Variants in FBXL12 observed in about 807,000 individuals in gnomAD.
FBXL12 encodes the protein F-box/LRR-repeat protein 12.
A neutral mutation model predicts 24.9 loss-of-function variants in FBXL12; 22 were observed. That is an observed-to-expected ratio of 0.88 (90% CI 0.63 to 1.26). The LOEUF (loss-of-function observed/expected upper bound fraction) is 1.26, where lower values mean the gene tolerates loss of function less well. Ranked by LOEUF, FBXL12 falls within the 50% of genes most tolerant of loss-of-function variation. FBXL12 has a pLI of 0.00. For synonymous variants in FBXL12, 193 were observed against 193.8 expected, an observed-to-expected ratio of 1.00 and a Z score of 0.03; for missense variants, 384 against 434.1, an observed-to-expected ratio of 0.88 and a Z score of 1.03.
Position 9,819,027 on chromosome 19 carries a change from G to A in FBXL12, c.-214C>T. The A allele has an allele frequency of 5.1e-6, 3 of 593,420 alleles. 1 individual carries two copies. The South Asian group carries it at 6.0e-5, about 12-fold the overall frequency. The allele number at this position is 593,420 out of a possible 1,614,324, so 36.8% of individuals were successfully genotyped here. ...GGAAAGCGTGGCTGAGGCAGTGAGA[G>A]GCTTGCGGGAGGTGGCTGAGGCGTG... On this transcript the variant is annotated 5_prime_UTR_variant, in exon 1 of 3. Coordinates refer to ENST00000247977, the MANE Select transcript of FBXL12 (RefSeq NM_017703.3).
intron 2 of FBXL12, chr19:9,813,341 C>CT: frequency 9.6e-7 from 1 of 1,045,610 alleles, no homozygotes; most frequent in Non-Finnish European, 1.2e-6. Flanking sequence ...TGTTTCTTTT[C>CT]TTTTCTTTTT....
intron 2 of FBXL12, among the ~76,000 whole-genome samples, chr19:9,812,759 T>TTAAAA: frequency 8.7e-6 from 1 of 114,452 alleles, no homozygotes; most frequent in Non-Finnish European, 1.8e-5. Context: ...AGGTCTATGT[T>TTAAAA]AAAAAAAAAA....
chr19:9,811,795 AC>A lies in FBXL12; in HGVS notation c.160-79del, dbSNP rs2045761495. The stretch of plus-strand genomic sequence containing the variant: ...GCCCCTGCTGGGCTGGAGACACACA[AC>A]CCCGGGGTGGGGGATTCTGGTGCCC... On this transcript the variant is annotated intron_variant, in intron 2 of 2. Coordinates refer to ENST00000247977, the MANE Select transcript of FBXL12 (RefSeq NM_017703.3). This position sits in a 1 kb window ranked among gnomAD's most constrained non-coding sequence, Gnocchi z 6.0. The A allele has an allele frequency of 8.1e-7, 1 of 1,241,028 alleles. No individual in the cohort carries two copies. Among genetic ancestry groups the A allele is most frequent in the Non-Finnish European group, 1.1e-6 (1 of 932,476 alleles). The allele number at this position is 1,241,028 out of a possible 1,614,324, so 76.9% of individuals were successfully genotyped here. A position where few individuals can be genotyped will look rare whatever the true frequency, so the allele number is the denominator to read the frequency against.
chr19:9,818,899 G>C lies in FBXL12; in HGVS notation c.-86C>G. The C allele has an allele frequency of 7.8e-7, 1 of 1,282,216 alleles. No homozygotes were observed. The highest frequency in any genetic ancestry group is 1.1e-6 in the Non-Finnish European group (1 of 920,858). 79.4% of individuals were successfully genotyped at this position (1,282,216 alleles called of 1,614,324 possible). A position where few individuals can be genotyped will look rare whatever the true frequency, so the allele number is the denominator to read the frequency against. On this transcript the variant is annotated 5_prime_UTR_variant, in exon 1 of 3. Transcript: ENST00000247977. Reference sequence around the variant, plus strand: ...CGAGGCGGCTGACAGGGCGGCGGCCGCGACCTTCCCGTAGCCGGTCGAGAA... The same window carrying C: ...CGAGGCGGCTGACAGGGCGGCGGCCCCGACCTTCCCGTAGCCGGTCGAGAA...
chr19:9,818,095 CCA>C, intron 2 of FBXL12: 1 of 385,128 alleles, frequency 2.6e-6, no homozygotes, highest in Non-Finnish European at 4.6e-6. Flanking sequence ...GCCCGTGGTT[CCA>C]GCTACTCAGG....
chr19:9,815,114 T>C (rs542350999), intron 2 of FBXL12, among the ~76,000 whole-genome samples: 16 of 152,292 alleles, frequency 1.1e-4, no homozygotes, highest in African/African-American at 3.8e-4. Flanking sequence ...AGTTACTTCC[T>C]AGATACAATG....
At chr19:9,816,044 G>A (rs988850600) in intron 2 of FBXL12, among the ~76,000 whole-genome samples, 3 of 152,188 alleles carry the variant, frequency 2.0e-5, no homozygotes, top group South Asian at 2.1e-4. Flanking sequence ...GCCACAGCCC[G>A]AGTTATACGT....
At chr19:9,818,218 C>T (rs1471369324) in intron 2 of FBXL12, 5 of 433,468 alleles carry the variant, frequency 1.2e-5, no homozygotes, top group African/African-American at 4.1e-5. Context: ...AAAACAAAAA[C>T]TTGATAACAT....
At position 9,818,577 on chromosome 19, in the gene FBXL12, G is replaced by GC. The variant is rs2045935267; in HGVS notation, c.126dup (p.Leu43AlafsTer15). 1.3e-6 allele frequency: 2 copies of GC among 1,552,632 alleles called. No individual in the cohort carries two copies. The highest frequency in any genetic ancestry group is 1.7e-6 in the Non-Finnish European group (2 of 1,150,596). ...AGCGTCAGGTCGACATGTCGCCACAGCCACCGGTCGTCCACCAGCCTCTTC... is the reference window on the plus strand; with the variant it reads ...AGCGTCAGGTCGACATGTCGCCACAGCCCACCGGTCGTCCACCAGCCTCTTC... On this transcript the variant is annotated frameshift_variant, in exon 2 of 3. Transcript: ENST00000247977. LOFTEE classifies it high-confidence loss of function.
Position 9,818,553 on chromosome 19 carries a change from G to A in FBXL12, c.151C>T (p.Leu51Phe). The A allele has an allele frequency of 1.3e-6, 2 of 1,545,078 alleles. No homozygotes were observed. The change falls in exon 2 of 3, where the codon CTC becomes TTC. Residue 51 changes from leucine to phenylalanine, a missense_variant. Physicochemically the swap from Leu to Phe is conservative, Grantham distance 22. Transcript: ENST00000247977. ...RWLWRHVDLT[L>F]YTMRPKVMWH... ...CGGCCAGCTGCGCGTACCGTGTAGA[G>A]CGTCAGGTCGACATGTCGCCACAGC... is the stretch of plus-strand genomic sequence containing the variant.
At position 9,818,887 on chromosome 19, in the gene FBXL12, A is replaced by C; in HGVS notation, c.-74T>G. The C allele has an allele frequency of 7.1e-7, 1 of 1,404,614 alleles. No individual in the cohort carries two copies. 87.0% of individuals were successfully genotyped at this position (1,404,614 alleles called of 1,614,324 possible). ...TCCTGGGGGCGCCGAGGCGGCTGAC[A>C]GGGCGGCGGCCGCGACCTTCCCGTA... On this transcript the variant is annotated 5_prime_UTR_variant, in exon 1 of 3. Transcript: ENST00000247977.
In FBXL12 at chr19:9,811,734, T is replaced by C. The variant is rs2045759615; in HGVS notation, c.160-17A>G. 1.3e-6 allele frequency: 2 copies of C among 1,504,314 alleles called. No individual in the cohort carries two copies. The highest frequency in any genetic ancestry group is 2.3e-5 in the East Asian group (1 of 43,758). 93.2% of individuals were successfully genotyped at this position (1,504,314 alleles called of 1,614,324 possible). A position where few individuals can be genotyped will look rare whatever the true frequency, so the allele number is the denominator to read the frequency against. On this transcript the variant is annotated splice_polypyrimidine_tract_variant and intron_variant, in intron 2 of 2. Coordinates refer to ENST00000247977, the MANE Select transcript of FBXL12 (RefSeq NM_017703.3). This position sits in a 1 kb window ranked among gnomAD's most constrained non-coding sequence, Gnocchi z 6.0. Reference sequence around the variant, plus strand: ...AGGTCGCATCTGTAAGAGCCAGAGATTGGGGTGACAGAGTGAGAGGTATGG... The same window carrying C: ...AGGTCGCATCTGTAAGAGCCAGAGACTGGGGTGACAGAGTGAGAGGTATGG...
rs1177136417 is a variant in FBXL12 at position 9,811,400 on chromosome 19, G to C, written c.477C>G (p.Asp159Glu). The C allele has an allele frequency of 6.2e-7, 1 of 1,613,128 alleles. No homozygotes were observed. Among genetic ancestry groups the C allele is most frequent in the South Asian group, 1.1e-5 (1 of 91,086 alleles). The change falls in exon 3 of 3, where the codon GAC becomes GAG. Residue 159 changes from aspartate to glutamate, a missense_variant. By Grantham distance (45) the Asp-to-Glu change is conservative (BLOSUM62 2). Transcript: ENST00000247977. The surrounding 1 kb of genome is among the most constrained non-coding windows in gnomAD (Gnocchi z 6.0). ...GCTCGTCACGGAAGGCGGGGACGCGGTCCAGCACGATGCATTCAAGCAGGG... is the reference window on the plus strand; with the variant it reads ...GCTCGTCACGGAAGGCGGGGACGCGCTCCAGCACGATGCATTCAAGCAGGG... ...VLPLLECIVL[D>E]RVPAFRDEHL...
In FBXL12 at chr19:9,810,437, T is replaced by A. The variant is rs139624108; in HGVS notation, c.*459A>T. Reference sequence around the variant, plus strand: ...TCCGCGTCTCTTGCGTGCGTGTAGGTATATAAATGGTGTATAGGCTTGTGG... The same window carrying A: ...TCCGCGTCTCTTGCGTGCGTGTAGGAATATAAATGGTGTATAGGCTTGTGG... On this transcript the variant is annotated 3_prime_UTR_variant, in exon 3 of 3. Coordinates refer to ENST00000247977, the MANE Select transcript of FBXL12 (RefSeq NM_017703.3). The A allele has an allele frequency of 6.3e-6, 1 of 157,566 alleles. No homozygotes were observed. The highest frequency in any genetic ancestry group is 2.4e-5 in the African/African-American group (1 of 41,672). The allele number at this position is 157,566 out of a possible 1,614,324, so 9.8% of individuals were successfully genotyped here.
At chr19:9,815,081 G>A (rs2045851642) in intron 2 of FBXL12, among the ~76,000 whole-genome samples, 1 of 152,106 alleles carries the variant, frequency 6.6e-6, no homozygotes, top group South Asian at 2.1e-4. Context: ...CCACCTATGA[G>A]CCTATAAAAT....
At position 9,810,878 on chromosome 19, in the gene FBXL12, C is replaced by G. The variant is rs779010680; in HGVS notation, c.*18G>C. 2 of 1,557,168 alleles carry G rather than the reference C, an allele frequency of 1.3e-6. No individual in the cohort carries two copies. The highest frequency in any genetic ancestry group is 1.7e-6 in the Non-Finnish European group (2 of 1,143,006). On this transcript the variant is annotated 3_prime_UTR_variant, in exon 3 of 3. Coordinates refer to ENST00000247977, the MANE Select transcript of FBXL12 (RefSeq NM_017703.3). The stretch of plus-strand genomic sequence containing the variant: ...CAATGATGAAAACTGGGATGGGTCC[C>G]AAGGGCAGGTGGAGTAGTTACATCC...
chr19:9,811,023 C>A lies in FBXL12; in HGVS notation c.854G>T (p.Arg285Ile). 1 of 1,611,182 alleles carries A rather than the reference C, an allele frequency of 6.2e-7. No homozygotes were observed. The highest frequency in any genetic ancestry group is 8.5e-7 in the Non-Finnish European group (1 of 1,178,008). The change falls in exon 3 of 3, where the codon AGA (arginine) becomes ATA (isoleucine). Residue 285 changes from arginine to isoleucine, a missense_variant. Transcript: ENST00000247977. The surrounding 1 kb of genome is among the most constrained non-coding windows in gnomAD (Gnocchi z 6.0). ...LSSCLTMPKL[R>I]VLELQGLGWE... ...CCCCAGCCCCTGCAGCTCAAGGACT[C>A]TGAGCTTGGGCATAGTGAGGCAGGA...
intron 2 of FBXL12, among the ~76,000 whole-genome samples, chr19:9,815,833 G>A (rs568346901): frequency 1.3e-5 from 2 of 152,212 alleles, no homozygotes; most frequent in Non-Finnish European, 2.9e-5. Flanking sequence ...ATTTTTAGTA[G>A]AGATGGGGTT....
rs771216308 is a variant in FBXL12 at position 9,811,118 on chromosome 19, G to A, written c.759C>T (p.Ala253=). ...GACCCTGCAGGCACAGACTCTCCAG[G>A]GCCGGCATTCCCTCCAGCACAGCCA... is the stretch of plus-strand genomic sequence containing the variant. ...PGLAVLEGMP[A]LESLCLQGPL... The change falls in exon 3 of 3, where the codon GCC becomes GCT. Residue 253 remains alanine (A), a synonymous_variant. Transcript: ENST00000247977. This position sits in a 1 kb window ranked among gnomAD's most constrained non-coding sequence, Gnocchi z 6.0. The A allele has an allele frequency of 1.2e-6, 2 of 1,605,532 alleles. No individual in the cohort carries two copies. Among genetic ancestry groups the A allele is most frequent in the African/African-American group, 1.3e-5 (1 of 74,722 alleles).
Sources: gnomAD v4.1 joint callset for allele counts (sites outside exome capture counted in the v4.1 genomes callset) on GRCh38, gnomAD v4.1.1 for gene constraint, Gnocchi (gnomAD v3.1) non-coding constraint, MANE v1.5 for transcripts, NCBI Gene and HGNC (gene_info 2026-07-23, HGNC 2026-07-21) for gene names.